NELL2: variants seen among roughly 807,000 people sequenced by gnomAD.
The protein encoded by NELL2 is neural EGFL like 2.
NELL2 carries 41 observed loss-of-function variants against 109.6 expected under a neutral mutation model. The ratio of observed to expected loss-of-function variants is 0.37; its 90% CI spans 0.29 to 0.49. The LOEUF is 0.49. Among genes scored for constraint, NELL2 ranks in the 20% least tolerant of loss-of-function variants. The pLI, the probability that NELL2 is intolerant of heterozygous loss-of-function variation, is 0.98. For missense variants in NELL2, 900 were observed against 1,008.3 expected (o/e 0.89, Z 1.45); for synonymous variants, 355 against 344.7 (o/e 1.03, Z -0.33).
At chr12:44,722,193 T>C in intron 9 of NELL2, among the ~76,000 whole-genome samples, 1 of 152,124 alleles carries the variant, frequency 6.6e-6, no homozygotes, top group Middle Eastern at 3.2e-3. Flanking sequence ...TTTTTTTTTT[T>C]GCAACAGGGT....
intron 15 of NELL2, among the ~76,000 whole-genome samples, chr12:44,599,576 A>C (rs1045824604): frequency 1.3e-5 from 2 of 152,118 alleles, no homozygotes; most frequent in African/African-American, 2.4e-5. Context: ...AGTATAAAAG[A>C]AAGTGAAGAA....
At chr12:44,567,031 C>T (rs12296643) in intron 15 of NELL2, among the ~76,000 whole-genome samples, 15,175 of 151,956 alleles carry the variant, frequency 0.1, 2,571 homozygotes, top group African/African-American at 0.35. Context: ...AGGCTGGTCT[C>T]GAACTCCTGA....
intron 15 of NELL2, among the ~76,000 whole-genome samples, chr12:44,536,358 T>C (rs1196076975): frequency 6.6e-6 from 1 of 152,098 alleles, no homozygotes; most frequent in African/African-American, 2.4e-5. Context: ...TTTTGAAGTA[T>C]GCTCATATTG....
intron 9 of NELL2, among the ~76,000 whole-genome samples, chr12:44,736,159 C>T (rs1057165135): frequency 9.2e-5 from 14 of 151,674 alleles, no homozygotes; most frequent in Non-Finnish European, 1.6e-4. Context: ...TACAGGCGCG[C>T]GCCACCATGC....
chr12:44,739,450 C>T (rs1476687634), intron 9 of NELL2, among the ~76,000 whole-genome samples: 3 of 152,122 alleles, frequency 2.0e-5, no homozygotes, highest in Non-Finnish European at 4.4e-5. Flanking sequence ...CAAACTATGA[C>T]CCAGAAGCCA....
At chr12:44,626,936 A>T (rs1312293376) in intron 13 of NELL2, among the ~76,000 whole-genome samples, 1 of 152,218 alleles carries the variant, frequency 6.6e-6, no homozygotes, top group Non-Finnish European at 1.5e-5. Context: ...AAAAATTGTA[A>T]TAGTTTTTAA....
At chr12:44,721,414 C>A (rs1268048258) in intron 9 of NELL2, among the ~76,000 whole-genome samples, 1 of 152,128 alleles carries the variant, frequency 6.6e-6, no homozygotes, top group East Asian at 1.9e-4. Context: ...AAGCGACAAA[C>A]ATGGACACAC....
At position 44,729,616 on chromosome 12, in the gene NELL2, C is replaced by G. The variant is rs931727244; in HGVS notation, c.995-14875G>C. ...TATATGCTGTCTACAAAAGACTTAC[C>G]TAAGATTTAATGACATAAATGGGCT... On this transcript the variant is annotated intron_variant, in intron 9 of 19. Coordinates refer to ENST00000429094, the MANE Select transcript of NELL2 (RefSeq NM_001145108.2). Among the ~76,000 whole-genome samples, 14 of 149,074 alleles carry G rather than the reference C, an allele frequency of 9.4e-5. 1 individual carries two copies. Among genetic ancestry groups the G allele is most frequent in the Admixed American group, 8.7e-4 (13 of 14,966 alleles).
At chr12:44,720,180 C>T (rs901010107) in intron 9 of NELL2, among the ~76,000 whole-genome samples, 10 of 152,134 alleles carry the variant, frequency 6.6e-5, no homozygotes, top group Non-Finnish European at 1.5e-4. Flanking sequence ...TTTTCCTTTT[C>T]TCTAGTGAGT....
At chr12:44,876,400 AG>A (rs1945327236), upstream of NELL2, 1 of 1,260,552 alleles carries the variant, frequency 7.9e-7, no homozygotes, top group Admixed American at 3.6e-5. Flanking sequence ...AGGAGGAGGG[AG>A]GGGCCGCCGA....
At chr12:44,893,221 G>A (rs1945555718) in intron 1 of NELL2, among the ~76,000 whole-genome samples, 1 of 152,136 alleles carries the variant, frequency 6.6e-6, no homozygotes, top group Admixed American at 6.5e-5. Flanking sequence ...CTGGTTTGTG[G>A]CAGCAGAACT....
At chr12:44,614,153 G>A (rs1179553591) in intron 13 of NELL2, among the ~76,000 whole-genome samples, 2 of 152,060 alleles carry the variant, frequency 1.3e-5, no homozygotes, top group East Asian at 3.9e-4. Flanking sequence ...CATATCCTCA[G>A]TAAAAATTTC....
chr12:44,727,363 A>T (rs1363983498), intron 9 of NELL2, among the ~76,000 whole-genome samples: 1 of 152,062 alleles, frequency 6.6e-6, no homozygotes, highest in African/African-American at 2.4e-5. Context: ...TTTACTATAA[A>T]TCTCAATCCT....
At chr12:44,558,038 C>A (rs1311150583) in intron 15 of NELL2, among the ~76,000 whole-genome samples, 1 of 151,998 alleles carries the variant, frequency 6.6e-6, no homozygotes. Context: ...AAAATAGAGA[C>A]GGGAAATACA....
At chr12:44,782,030 A>G (rs1229364936) in intron 3 of NELL2, among the ~76,000 whole-genome samples, 1 of 152,040 alleles carries the variant, frequency 6.6e-6, no homozygotes, top group South Asian at 2.1e-4. Context: ...TCTTTTCTAA[A>G]GTATGTTTGA....
chr12:44,643,070 A>G (rs910005526), intron 13 of NELL2, among the ~76,000 whole-genome samples: 2 of 152,228 alleles, frequency 1.3e-5, no homozygotes, highest in Admixed American at 1.3e-4. Flanking sequence ...TACTTCTGAT[A>G]AAAATGTAAA....
intron 15 of NELL2, among the ~76,000 whole-genome samples, chr12:44,600,489 T>G (rs1010767184): frequency 1.3e-5 from 2 of 152,180 alleles, no homozygotes; most frequent in Non-Finnish European, 2.9e-5. Context: ...TCCAGCATAT[T>G]AAGTTTATGC....
intron 15 of NELL2, among the ~76,000 whole-genome samples, chr12:44,537,536 A>T (rs1942349249): frequency 6.6e-6 from 1 of 152,120 alleles, no homozygotes; most frequent in Non-Finnish European, 1.5e-5. Flanking sequence ...ATTAATAAAA[A>T]TATGACATCA....
chr12:44,681,352 G>A (rs1381637190), intron 12 of NELL2, among the ~76,000 whole-genome samples: 1 of 146,488 alleles, frequency 6.8e-6, no homozygotes, highest in Non-Finnish European at 1.5e-5. Context: ...CTTCTTAAAA[G>A]CTTTTTTGTT....
Sources: allele counts gnomAD v4.1 joint callset (sites outside exome capture counted in the v4.1 genomes callset), GRCh38; gene constraint gnomAD v4.1.1; transcripts MANE v1.5; gene names NCBI Gene and HGNC (gene_info 2026-07-23, HGNC 2026-07-21).